Variants in FAM222B observed in about 807,000 individuals in gnomAD.
FAM222B encodes the protein protein FAM222B.
In FAM222B, 12 loss-of-function variants were observed where a neutral mutation model predicts 38.0. That is an observed-to-expected ratio of 0.32 (90% CI 0.20 to 0.51). FAM222B has a LOEUF of 0.51. FAM222B is among the 20% of genes least tolerant of loss of function. The probability of loss-of-function intolerance (pLI) is 0.97; values close to 1 mark genes in which losing one functional copy is unlikely to be tolerated. For missense variants in FAM222B, 716 were observed against 754.2 expected, an observed-to-expected ratio of 0.95 and a Z score of 0.59; for synonymous variants, 329 against 317.2, an observed-to-expected ratio of 1.04 and a Z score of -0.40.
intron 1 of FAM222B, among the ~76,000 whole-genome samples, chr17:28,791,281 G>C (rs1186660599): frequency 1.3e-5 from 2 of 152,020 alleles, no homozygotes. Flanking sequence ...AAAGAGATGA[G>C]AGTGGTCTGT....
intron 1 of FAM222B, among the ~76,000 whole-genome samples, chr17:28,806,354 C>T (rs951629384): frequency 2.0e-5 from 3 of 152,144 alleles, no homozygotes; most frequent in African/African-American, 7.2e-5. Context: ...GGTAAAGATG[C>T]CCTCTGCCCT....
At chr17:28,828,814 T>C (rs1189185727) in intron 1 of FAM222B, among the ~76,000 whole-genome samples, 3 of 152,170 alleles carry the variant, frequency 2.0e-5, no homozygotes, top group African/African-American at 7.2e-5. Context: ...AAATGCATAG[T>C]TGTGTAACCA....
intron 1 of FAM222B, among the ~76,000 whole-genome samples, chr17:28,829,139 C>T (rs1172461132): frequency 6.6e-6 from 1 of 151,864 alleles, no homozygotes; most frequent in African/African-American, 2.4e-5. Context: ...CTCCTGACCT[C>T]GAGATCTGCC....
intron 1 of FAM222B, among the ~76,000 whole-genome samples, chr17:28,841,863 G>A (rs1261275996): frequency 2.0e-5 from 3 of 152,154 alleles, no homozygotes; most frequent in Admixed American, 2.0e-4. Flanking sequence ...TCACATTACA[G>A]AACTGGTAGT....
intron 1 of FAM222B, among the ~76,000 whole-genome samples, chr17:28,854,535 A>C (rs1433237602): frequency 1.3e-5 from 2 of 152,176 alleles, no homozygotes; most frequent in African/African-American, 4.8e-5. Context: ...AAAGGTGCAG[A>C]CAGCCCGGGG....
intron 2 of FAM222B, among the ~76,000 whole-genome samples, chr17:28,765,433 A>C (rs1293116351): frequency 6.6e-6 from 1 of 152,156 alleles, no homozygotes; most frequent in Non-Finnish European, 1.5e-5. Context: ...ACAAAGCTTA[A>C]ATTATTGGCT....
chr17:28,776,173 C>T (rs1017391014), intron 1 of FAM222B, among the ~76,000 whole-genome samples: 1 of 150,730 alleles, frequency 6.6e-6, no homozygotes, highest in Non-Finnish European at 1.5e-5. Flanking sequence ...GAGATCAAGA[C>T]CATCCTGGCT....
intron 1 of FAM222B, among the ~76,000 whole-genome samples, chr17:28,784,618 CAGG>C (rs1025143499): frequency 6.7e-5 from 10 of 148,582 alleles, no homozygotes; most frequent in African/African-American, 1.2e-4. Flanking sequence ...GTGGGCGGAT[CAGG>C]AGATCGAGAC....
intron 1 of FAM222B, among the ~76,000 whole-genome samples, chr17:28,834,060 G>T (rs149826981): frequency 1.4e-4 from 21 of 151,916 alleles, no homozygotes; most frequent in African/African-American, 5.1e-4. Flanking sequence ...TTCTTTACCC[G>T]TCCTCCAATA....
intron 1 of FAM222B, among the ~76,000 whole-genome samples, chr17:28,847,883 C>G (rs558953472): frequency 6.7e-6 from 1 of 150,118 alleles, no homozygotes; most frequent in East Asian, 1.9e-4. Flanking sequence ...CACTGTACTC[C>G]GGCCTGGGCG....
chr17:28,842,334 C>T (rs534840224), intron 1 of FAM222B, among the ~76,000 whole-genome samples: 37 of 152,226 alleles, frequency 2.4e-4, no homozygotes, highest in African/African-American at 8.7e-4. Flanking sequence ...TCAGAGGTGG[C>T]TTCTTAAGCT....
intron 1 of FAM222B, among the ~76,000 whole-genome samples, chr17:28,834,067 A>G (rs1352671215): frequency 6.6e-6 from 1 of 152,188 alleles, no homozygotes; most frequent in Non-Finnish European, 1.5e-5. Flanking sequence ...CCCGTCCTCC[A>G]ATATAAAGTC....
intron 1 of FAM222B, among the ~76,000 whole-genome samples, chr17:28,821,960 G>A (rs773958167): frequency 2.6e-5 from 4 of 151,852 alleles, no homozygotes; most frequent in East Asian, 1.9e-4. Flanking sequence ...GCAAGAGTCC[G>A]TCTCAAAATA....
chr17:28,801,497 G>A (rs2037228178), intron 1 of FAM222B, among the ~76,000 whole-genome samples: 2 of 149,074 alleles, frequency 1.3e-5, no homozygotes, highest in African/African-American at 5.0e-5. Context: ...GGGAGAGTAA[G>A]ATAAGCAAAA....
chr17:28,758,682 A>C lies in FAM222B; in HGVS notation c.1277T>G (p.Leu426Arg). Reference protein sequence around the residue: ...LAQSFHLKPPLEKPTPSPPVN... With the variant: ...LAQSFHLKPPREKPTPSPPVN... The stretch of plus-strand genomic sequence containing the variant: ...TGGTGGGGATGGGGTCGGCTTTTCC[A>C]GGGGTGGCTTCAGATGGAAGGACTG... Residue 426 changes from leucine to arginine, a missense_variant, in exon 3 of 3, where the codon CTG becomes CGG. Physicochemically the swap from Leu to Arg is moderately radical, Grantham distance 102 (BLOSUM62 -2). Transcript: ENST00000581407. The C allele has an allele frequency of 1.9e-6, 3 of 1,604,076 alleles. No homozygotes were observed. The highest frequency in any genetic ancestry group is 2.6e-6 in the Non-Finnish European group (3 of 1,173,686).
Position 28,827,361 on chromosome 17 carries a change from G to GA in FAM222B, c.-41+15320dup, listed in dbSNP as rs202126557. On this transcript the variant is annotated intron_variant, in intron 1 of 2. Transcript: ENST00000581407. ...GTAACACAGTGAGATCTTGTCTATT[G>GA]AAAAAAAAAGAAAAAGTGAAAAAGG... Among the ~76,000 whole-genome samples the GA allele has an allele frequency of 1.9e-3, 278 of 148,130 alleles. 1 individual carries two copies. The highest frequency in any genetic ancestry group is 5.9e-3 in the African/African-American group (237 of 40,346).
chr17:28,758,320 C>A lies in FAM222B; in HGVS notation c.1639G>T (p.Asp547Tyr). ...TGAAGACTTCGACTCTCTGTGGGAT[C>A]GGGGGCTCGGTTGCCAGGGGCTCGG... ...AHRAPGNRAP[D>Y]PTESRSLHIQ... The change falls in exon 3 of 3, where the codon GAT becomes TAT. Residue 547 changes from aspartate (D) to tyrosine (Y), a missense_variant. Coordinates refer to ENST00000581407, the MANE Select transcript of FAM222B (RefSeq NM_001077498.3). 1.2e-6 allele frequency: 2 copies of A among 1,608,684 alleles called. No homozygotes were observed.
intron 1 of FAM222B, among the ~76,000 whole-genome samples, chr17:28,804,334 T>A (rs1025362187): frequency 1.3e-5 from 2 of 151,946 alleles, no homozygotes; most frequent in African/African-American, 4.8e-5. Context: ...AGAATGCTAA[T>A]ACAGATTTTT....
intron 1 of FAM222B, among the ~76,000 whole-genome samples, chr17:28,782,016 G>T (rs2036186764): frequency 6.6e-6 from 1 of 152,132 alleles, no homozygotes; most frequent in Non-Finnish European, 1.5e-5. Flanking sequence ...ACATACAATG[G>T]CAGTCCCATA....
Sources: gnomAD v4.1 joint callset for allele counts (sites outside exome capture counted in the v4.1 genomes callset) on GRCh38, gnomAD v4.1.1 for gene constraint, MANE v1.5 for transcripts, NCBI Gene and HGNC (gene_info 2026-07-23, HGNC 2026-07-21) for gene names.